Variants in JAKMIP3 observed in about 807,000 individuals in gnomAD.
JAKMIP3 encodes the protein Janus kinase and microtubule interacting protein 3.
In JAKMIP3, 58 loss-of-function variants were observed where a neutral mutation model predicts 118.5. The ratio of observed to expected loss-of-function variants is 0.49; its 90% CI spans 0.40 to 0.61. JAKMIP3 has a LOEUF of 0.61. JAKMIP3 is among the 20% of genes least tolerant of loss of function. JAKMIP3 has a pLI of 0.00. For missense variants in JAKMIP3, 950 were observed against 1,109.0 expected, an observed-to-expected ratio of 0.86 and a Z score of 2.04; for synonymous variants, 486 against 451.2, an observed-to-expected ratio of 1.08 and a Z score of -0.98.
chr10:132,169,358 G>A (rs1402429609), intron 23 of JAKMIP3, among the ~76,000 whole-genome samples: 6 of 152,184 alleles, frequency 3.9e-5, no homozygotes, highest in Admixed American at 6.5e-5. Context: ...CAATGAGGCC[G>A]CTCTCCGAGT....
chr10:132,104,418 G>T (rs961503322), intron 1 of JAKMIP3, among the ~76,000 whole-genome samples: 3 of 152,188 alleles, frequency 2.0e-5, no homozygotes, highest in African/African-American at 7.2e-5. Context: ...GAATTCACCC[G>T]TGCTGAGTGT....
At chr10:132,082,478 G>A (rs2041899789) in intron 1 of JAKMIP3, among the ~76,000 whole-genome samples, 1 of 152,116 alleles carries the variant, frequency 6.6e-6, no homozygotes, top group African/African-American at 2.4e-5. Context: ...AGCATATGAT[G>A]TTTGGTTTTC....
At chr10:132,066,928 G>A (rs542138600) in intron 1 of JAKMIP3, among the ~76,000 whole-genome samples, 17 of 152,218 alleles carry the variant, frequency 1.1e-4, no homozygotes, top group African/African-American at 3.9e-4. Context: ...GTAAATACTT[G>A]CTGCTGCCGT....
intron 1 of JAKMIP3, among the ~76,000 whole-genome samples, chr10:132,067,559 T>C (rs1482651093): frequency 2.6e-5 from 4 of 152,274 alleles, no homozygotes; most frequent in Non-Finnish European, 5.9e-5. Context: ...AAGTGTCCTA[T>C]ACATGTTCTT....
At chr10:132,080,503 A>ATTTTTTTTTTTTTTTT (rs201838731) in intron 1 of JAKMIP3, among the ~76,000 whole-genome samples, 2 of 61,578 alleles carry the variant, frequency 3.2e-5, no homozygotes, top group African/African-American at 1.4e-4. Context: ...AAGTTATAGG[A>ATTTTTTTTTTTTTTTT]TTTTTTTTTT....
chr10:132,081,278 G>C (rs2041728485), intron 1 of JAKMIP3, among the ~76,000 whole-genome samples: 1 of 152,134 alleles, frequency 6.6e-6, no homozygotes, highest in East Asian at 1.9e-4. Flanking sequence ...ACACTTATTT[G>C]TAAACCCAGG....
Position 132,156,861 on chromosome 10 carries a change from C to CT in JAKMIP3, c.2220+2878dup, listed in dbSNP as rs545401571. On this transcript the variant is annotated intron_variant, in intron 19 of 23. Coordinates refer to ENST00000684848, the MANE Select transcript of JAKMIP3 (RefSeq NM_001323087.2). ...AGAGGGAAGAGAAGGACATGCATTT[C>CT]TTTTTTTAATATTGCATTTTTTTTC... 1.4e-4 allele frequency among the ~76,000 whole-genome samples: 22 copies of CT among 152,198 alleles called. No homozygotes were observed. The East Asian group carries it at 3.9e-3, about 27-fold the overall frequency.
intron 13 of JAKMIP3, 126 bp from the exon 14 acceptor site, chr10:132,147,826 G>A (rs1422389562): frequency 1.6e-5 from 10 of 639,534 alleles, no homozygotes; most frequent in Admixed American, 5.7e-5. Context: ...CGCTTCCAGG[G>A]CTGGGTACCA....
intron 19 of JAKMIP3, among the ~76,000 whole-genome samples, chr10:132,155,380 C>A (rs1007629715): frequency 6.6e-6 from 1 of 152,312 alleles, no homozygotes; most frequent in Admixed American, 6.5e-5. Flanking sequence ...AGGCAGGAGT[C>A]GAATGTCAGC....
intron 1 of JAKMIP3, among the ~76,000 whole-genome samples, chr10:132,094,630 C>T (rs1365067427): frequency 1.3e-5 from 2 of 152,122 alleles, no homozygotes; most frequent in South Asian, 4.1e-4. Context: ...TGGACACCAG[C>T]ACCTGTTCCG....
intron 3 of JAKMIP3, among the ~76,000 whole-genome samples, chr10:132,121,191 T>C (rs1360554640): frequency 2.0e-4 from 30 of 152,070 alleles, no homozygotes; most frequent in East Asian, 7.7e-4. Flanking sequence ...GGGGTGCTGC[T>C]GGACCTTTAA....
chr10:132,104,822 G>C lies in JAKMIP3; in HGVS notation c.14G>C (p.Gly5Ala). The C allele has an allele frequency of 1.3e-6, 2 of 1,552,220 alleles. No homozygotes were observed. The highest frequency in any genetic ancestry group is 8.7e-7 in the Non-Finnish European group (1 of 1,147,710). MSKR[G>A]MSSRAKGDKA... ...TCCAGCCTCACCATGTCCAAGAGGGGCATGAGCAGCCGGGCCAAGGGGGAC... is the reference window on the plus strand; with the variant it reads ...TCCAGCCTCACCATGTCCAAGAGGGCCATGAGCAGCCGGGCCAAGGGGGAC... The change falls in exon 2 of 24, where the codon GGC (glycine) becomes GCC (alanine). Residue 5 changes from glycine to alanine, a missense_variant. Physicochemically the swap from Gly to Ala is moderately conservative, Grantham distance 60. Transcript: ENST00000684848.
intron 23 of JAKMIP3, among the ~76,000 whole-genome samples, chr10:132,173,267 T>C (rs1383730550): frequency 1.5e-5 from 2 of 136,588 alleles, no homozygotes; most frequent in African/African-American, 5.6e-5. Flanking sequence ...CCACAAGTTC[T>C]TAGTGATGCC....
At position 132,104,586 on chromosome 10, in the gene JAKMIP3, G is replaced by GTGCCCC. The variant is rs1287454285; in HGVS notation, c.-137-79_-137-74dup. 5.3e-6 allele frequency: 3 copies of GTGCCCC among 565,696 alleles called. No homozygotes were observed. The African/African-American group carries it at 5.7e-5, about 11-fold the overall frequency. The allele number at this position is 565,696 out of a possible 1,614,324, so 35.0% of individuals were successfully genotyped here. ...CACTGCAATGAGGTGGGGGGTCCACGTGCCCCTGCCCCGGCACACAAGCCC... is the reference window on the plus strand; with the variant it reads ...CACTGCAATGAGGTGGGGGGTCCACGTGCCCCTGCCCCTGCCCCGGCACACAAGCCC... On this transcript the variant is annotated intron_variant, in intron 1 of 23. Coordinates refer to ENST00000684848, the MANE Select transcript of JAKMIP3 (RefSeq NM_001323087.2).
At chr10:132,176,810 C>T (rs924156214) in intron 23 of JAKMIP3, among the ~76,000 whole-genome samples, 28 of 151,770 alleles carry the variant, frequency 1.8e-4, no homozygotes, top group African/African-American at 6.1e-4. Flanking sequence ...CTGCTTGTTA[C>T]GAGTGCTGCT....
chr10:132,059,890 A>C (rs1430188313), upstream of JAKMIP3, among the ~76,000 whole-genome samples: 2 of 152,116 alleles, frequency 1.3e-5, no homozygotes, highest in South Asian at 4.1e-4. Context: ...GAGGATGGGG[A>C]GCTTTCAATC....
Position 132,137,146 on chromosome 10 carries a change from C to T in JAKMIP3, c.1244C>T (p.Ser415Phe), listed in dbSNP as rs748423042. The change falls in exon 7 of 24, where the codon TCT (serine) becomes TTT (phenylalanine). Residue 415 changes from serine to phenylalanine, a missense_variant. By Grantham distance (155) the Ser-to-Phe change is radical. Transcript: ENST00000684848. The stretch of plus-strand genomic sequence containing the variant: ...CAGCAAAACCTCATAGATGAACTGT[C>T]TAAGGTACCCGGCGGGCTGTTTGCT... ...VEQQNLIDEL[S>F]KTLETAGYVK... 1.2e-6 allele frequency: 2 copies of T among 1,613,952 alleles called. No homozygotes were observed. Among genetic ancestry groups the T allele is most frequent in the Admixed American group, 1.7e-5 (1 of 60,024 alleles).
At chr10:132,098,036 T>C (rs2044267794) in intron 1 of JAKMIP3, among the ~76,000 whole-genome samples, 1 of 147,496 alleles carries the variant, frequency 6.8e-6, no homozygotes, top group African/African-American at 2.5e-5. Context: ...CTTCTTTTTC[T>C]TTTCTCTTTC....
At chr10:132,172,176 T>A (rs1218538132) in intron 23 of JAKMIP3, among the ~76,000 whole-genome samples, 2 of 152,116 alleles carry the variant, frequency 1.3e-5, no homozygotes, top group African/African-American at 4.8e-5. Context: ...TGGCGGGTTA[T>A]TTTGTAGAAG....
Sources: gnomAD v4.1 joint callset for allele counts (sites outside exome capture counted in the v4.1 genomes callset) on GRCh38, gnomAD v4.1.1 for gene constraint, MANE v1.5 for transcripts, NCBI Gene and HGNC (gene_info 2026-07-23, HGNC 2026-07-21) for gene names.